PRICKLE2: variants seen among roughly 807,000 people sequenced by gnomAD.
PRICKLE2 encodes the protein prickle planar cell polarity protein 2, also known as prickle-like protein 2.
PRICKLE2 carries 21 observed loss-of-function variants against 81.4 expected under a neutral mutation model. The observed-to-expected ratio is 0.26, with a 90% CI of 0.18 to 0.37. The LOEUF is 0.37. PRICKLE2 is among the 10% of genes least tolerant of loss of function. The pLI, the probability that PRICKLE2 is intolerant of heterozygous loss-of-function variation, is 1.00. For synonymous variants in PRICKLE2, 456 were observed against 421.5 expected (o/e 1.08, Z -1.00); for missense variants, 940 against 1,109.0 (o/e 0.85, Z 2.16).
At chr3:64,119,703 C>G (rs550178803) in intron 7 of PRICKLE2, among the ~76,000 whole-genome samples, 9 of 152,100 alleles carry the variant, frequency 5.9e-5, no homozygotes, top group African/African-American at 2.2e-4. Context: ...ATCCCATTAC[C>G]GGGTATATAT....
At chr3:64,145,988 G>C (rs2077443432) in intron 7 of PRICKLE2, 1 of 152,078 alleles carries the variant, frequency 6.6e-6, no homozygotes, top group Admixed American at 6.6e-5. Flanking sequence ...AAGAATTTTG[G>C]GGAAAACATT....
intron 5 of PRICKLE2, among the ~76,000 whole-genome samples, chr3:64,155,676 A>C (rs1324576623): frequency 6.6e-6 from 1 of 152,232 alleles, no homozygotes; most frequent in African/African-American, 2.4e-5. Context: ...ACATACATAC[A>C]ACTGAATATT....
intron 6 of PRICKLE2, among the ~76,000 whole-genome samples, chr3:64,151,151 A>G (rs961561782): frequency 2.0e-5 from 3 of 152,206 alleles, no homozygotes; most frequent in African/African-American, 7.2e-5. Flanking sequence ...AATATGGAAT[A>G]TTTGTACAGT....
chr3:64,127,325 A>G (rs17069966), intron 7 of PRICKLE2, among the ~76,000 whole-genome samples: 2,505 of 152,182 alleles, frequency 0.016, 71 homozygotes, highest in African/African-American at 0.057. Context: ...CACCACTACT[A>G]TTACTACCAC....
chr3:64,204,005 A>C (rs2078637289), intron 1 of PRICKLE2, among the ~76,000 whole-genome samples: 1 of 152,000 alleles, frequency 6.6e-6, no homozygotes, highest in Non-Finnish European at 1.5e-5. Context: ...ATACACTCTA[A>C]AACAAAAACA....
chr3:64,260,665 T>C (rs2079603730), intron 2 of PRICKLE2, among the ~76,000 whole-genome samples: 1 of 152,236 alleles, frequency 6.6e-6, no homozygotes, highest in Non-Finnish European at 1.5e-5. Flanking sequence ...TCCCTGCCAA[T>C]ATCTGTTGAT....
chr3:64,159,137 G>A (rs969489238), intron 4 of PRICKLE2, among the ~76,000 whole-genome samples: 48 of 152,220 alleles, frequency 3.2e-4, no homozygotes, highest in African/African-American at 1.1e-3. Flanking sequence ...GAGGAGACAG[G>A]AAATCCAGAA....
intron 4 of PRICKLE2, among the ~76,000 whole-genome samples, chr3:64,159,553 C>G (rs953885377): frequency 6.6e-6 from 1 of 152,160 alleles, no homozygotes; most frequent in Non-Finnish European, 1.5e-5. Flanking sequence ...GCCTCTAAGC[C>G]GGTCATTCCT....
chr3:64,228,855 A>C (rs2079064391), upstream of PRICKLE2, among the ~76,000 whole-genome samples: 1 of 152,220 alleles, frequency 6.6e-6, no homozygotes, highest in South Asian at 2.1e-4. Flanking sequence ...AATGACCATA[A>C]TTGCATATAG....
chr3:64,208,156 T>G (rs1397341136), intron 1 of PRICKLE2, among the ~76,000 whole-genome samples: 2 of 152,146 alleles, frequency 1.3e-5, no homozygotes, highest in South Asian at 2.1e-4. Flanking sequence ...GCAGGCTGCC[T>G]AGAAAAGGTA....
chr3:64,217,813 A>G (rs696026), intron 1 of PRICKLE2, among the ~76,000 whole-genome samples: 138,059 of 152,232 alleles, frequency 0.91, 62,954 homozygotes, highest in South Asian at 0.98. Context: ...CAGGTGCCAC[A>G]TATTTGACAT....
In PRICKLE2 at chr3:64,095,517, T is replaced by C. The variant is rs918125565; in HGVS notation, c.*3534A>G. 1 of 152,244 alleles carries C rather than the reference T, an allele frequency of 6.6e-6. No individual in the cohort carries two copies. Among genetic ancestry groups the C allele is most frequent in the Non-Finnish European group, 1.5e-5 (1 of 68,064 alleles). The allele number at this position is 152,244 out of a possible 1,614,324, so 9.4% of individuals were successfully genotyped here. On this transcript the variant is annotated 3_prime_UTR_variant, in exon 8 of 8. Coordinates refer to ENST00000638394, the MANE Select transcript of PRICKLE2 (RefSeq NM_198859.4). ...CTCAGCAAGAGTATACAGTGATGCA[T>C]TGGTTGTATCTGCTCAGCTTGCAGG...
chr3:64,133,702 T>G (rs994673163), intron 7 of PRICKLE2, among the ~76,000 whole-genome samples: 3 of 152,146 alleles, frequency 2.0e-5, no homozygotes, highest in Non-Finnish European at 2.9e-5. Context: ...ATGGGCATAA[T>G]TAGGCCACAG....
chr3:64,133,456 G>T (rs939148939), intron 7 of PRICKLE2, among the ~76,000 whole-genome samples: 1 of 152,116 alleles, frequency 6.6e-6, no homozygotes, highest in African/African-American at 2.4e-5. Context: ...TTCCATTACT[G>T]TACTCTCCTC....
chr3:64,104,974 T>C (rs960276657), intron 7 of PRICKLE2, among the ~76,000 whole-genome samples: 38 of 152,174 alleles, frequency 2.5e-4, no homozygotes, highest in Non-Finnish European at 5.9e-5. Context: ...CTAGAATCCT[T>C]ACGCAGACCT....
chr3:64,153,257 C>T lies in PRICKLE2; in HGVS notation c.712G>A (p.Glu238Lys). Residue 238 changes from glutamate to lysine, a missense_variant, in exon 6 of 8, where the codon GAG (glutamate) becomes AAG (lysine). Physicochemically the swap from Glu to Lys is moderately conservative, Grantham distance 56. This residue lies in a region of PRICKLE2 where 270 missense variants were observed against 391.8 expected (regional missense o/e 0.69). Coordinates refer to ENST00000638394, the MANE Select transcript of PRICKLE2 (RefSeq NM_198859.4). ...VLGGQRYIMKEGRPYCCHCFE... is the reference protein window; with the variant it reads ...VLGGQRYIMKKGRPYCCHCFE... ...CAGTGGCAACAGTAGGGTCTTCCCTCCTTCATGATGTAGCGCTGGCCGCCC... is the reference window on the plus strand; with the variant it reads ...CAGTGGCAACAGTAGGGTCTTCCCTTCTTCATGATGTAGCGCTGGCCGCCC... 6.2e-7 allele frequency: 1 copy of T among 1,614,218 alleles called. No individual in the cohort carries two copies. The highest frequency in any genetic ancestry group is 8.5e-7 in the Non-Finnish European group (1 of 1,180,044).
chr3:64,262,242 GAA>G (rs528269560), intron 2 of PRICKLE2, among the ~76,000 whole-genome samples: 18 of 152,172 alleles, frequency 1.2e-4, no homozygotes, highest in Admixed American at 1.0e-3. Context: ...AAGTAGAACT[GAA>G]AGGACTTATT....
chr3:64,214,957 A>G (rs986782771), intron 1 of PRICKLE2, among the ~76,000 whole-genome samples: 2 of 151,554 alleles, frequency 1.3e-5, no homozygotes, highest in African/African-American at 2.4e-5. Context: ...TTACTATCCT[A>G]CTCCAACTCA....
chr3:64,238,485 CAAA>C (rs11291908), intron 2 of PRICKLE2, among the ~76,000 whole-genome samples: 15 of 104,482 alleles, frequency 1.4e-4, no homozygotes, highest in Non-Finnish European at 2.1e-4. Flanking sequence ...GACTCCGTCT[CAAA>C]AAAAAAAAAA....
Sources: gnomAD v4.1 joint callset for allele counts (sites outside exome capture counted in the v4.1 genomes callset) on GRCh38, gnomAD v4.1.1 for gene constraint, gnomAD v4.1.1 regional missense constraint, MANE v1.5 for transcripts, NCBI Gene and HGNC (gene_info 2026-07-23, HGNC 2026-07-21) for gene names.